The following TTLL5 variants were observed in gnomAD, a reference collection of about 807,000 sequenced individuals.
TTLL5 encodes tubulin polyglutamylase TTLL5.
A neutral mutation model predicts 168.4 loss-of-function variants in TTLL5; 132 were observed. The ratio of observed to expected loss-of-function variants is 0.78; its 90% confidence interval spans 0.68 to 0.91. The LOEUF is 0.91. TTLL5 is among the 40% of genes least tolerant of loss of function. TTLL5 has a pLI of 0.00. For missense variants in TTLL5, 1,545 were observed against 1,581.5 expected (o/e 0.98, Z 0.39); for synonymous variants, 546 against 558.6 (o/e 0.98, Z 0.32).
intron 31 of TTLL5, among the ~76,000 whole-genome samples, chr14:75,934,447 A>G (rs1009544839): frequency 1.3e-5 from 2 of 152,238 alleles, no homozygotes; most frequent in Non-Finnish European, 2.9e-5. Flanking sequence ...CTATACTCTC[A>G]TTCTGTGAAC....
rs545545780 is a variant in TTLL5 at position 75,925,343 on chromosome 14, G to A, written c.3823+23119G>A. ...GGTCTCCTCACTTCTCAGATGGGGC[G>A]GCCTGGCAGAGACGCTCCTCACCTC... is the stretch of plus-strand genomic sequence containing the variant. On this transcript the variant is annotated intron_variant, in intron 31 of 31. Coordinates refer to ENST00000298832, the MANE Select transcript of TTLL5 (RefSeq NM_015072.5). 9.3e-4 allele frequency among the ~76,000 whole-genome samples: 141 copies of A among 151,090 alleles called. 4 individuals are homozygous for A. Among genetic ancestry groups the A allele is most frequent in the African/African-American group, 3.2e-3 (132 of 40,844 alleles).
chr14:75,920,836 TAAC>T (rs2033801822), intron 31 of TTLL5, among the ~76,000 whole-genome samples: 1 of 152,158 alleles, frequency 6.6e-6, no homozygotes, highest in African/African-American at 2.4e-5. Context: ...TTTACACTCC[TAAC>T]AACAGTGTAA....
chr14:75,832,104 C>A (rs967532470), intron 28 of TTLL5, among the ~76,000 whole-genome samples: 1 of 152,068 alleles, frequency 6.6e-6, no homozygotes, highest in Non-Finnish European at 1.5e-5. Flanking sequence ...GACACACACC[C>A]CCACCCCCAC....
chr14:75,852,157 G>A (rs182329920), intron 28 of TTLL5, among the ~76,000 whole-genome samples: 1 of 152,246 alleles, frequency 6.6e-6, no homozygotes, highest in African/African-American at 2.4e-5. Context: ...GCAGGCTTGC[G>A]CTCGATCTCA....
At chr14:75,667,079 T>TA (rs912815839) in intron 2 of TTLL5, among the ~76,000 whole-genome samples, 10 of 152,132 alleles carry the variant, frequency 6.6e-5, no homozygotes, top group African/African-American at 2.2e-4. Context: ...TTTTTTTTTT[T>TA]AGCTGACCTT....
intron 31 of TTLL5, among the ~76,000 whole-genome samples, chr14:75,927,786 T>C (rs1260920345): frequency 3.3e-5 from 5 of 152,210 alleles, no homozygotes; most frequent in Non-Finnish European, 7.4e-5. Flanking sequence ...AGTATTTCTG[T>C]TGCTTTCGTC....
At chr14:75,790,685 G>A (rs906073421) in intron 26 of TTLL5, among the ~76,000 whole-genome samples, 6 of 151,718 alleles carry the variant, frequency 4.0e-5, no homozygotes, top group South Asian at 2.1e-4. Flanking sequence ...ATCTGGTCTC[G>A]AACTTCTGTG....
chr14:75,885,637 A>C (rs1271591825), intron 30 of TTLL5, among the ~76,000 whole-genome samples: 1 of 152,204 alleles, frequency 6.6e-6, no homozygotes, highest in Non-Finnish European at 1.5e-5. Context: ...TGATGAAGTA[A>C]TTTTTTTAAT....
chr14:75,668,548 C>G (rs1001025732), intron 2 of TTLL5, among the ~76,000 whole-genome samples: 7 of 152,198 alleles, frequency 4.6e-5, no homozygotes, highest in African/African-American at 1.4e-4. Flanking sequence ...AAATATTCAT[C>G]AGCCTAAAAT....
chr14:75,679,781 A>G (rs973835291), intron 3 of TTLL5, among the ~76,000 whole-genome samples: 2 of 152,204 alleles, frequency 1.3e-5, no homozygotes, highest in South Asian at 2.1e-4. Flanking sequence ...AGTGTTTCTT[A>G]TGATGATACT....
At chr14:75,949,930 G>T (rs1173720088) in intron 31 of TTLL5, among the ~76,000 whole-genome samples, 3 of 152,032 alleles carry the variant, frequency 2.0e-5, no homozygotes, top group East Asian at 1.9e-4. Flanking sequence ...ATTTGAGAGG[G>T]TATTAGTTGT....
At chr14:75,858,636 CAG>C (rs1204414735) in intron 28 of TTLL5, among the ~76,000 whole-genome samples, 1 of 152,136 alleles carries the variant, frequency 6.6e-6, no homozygotes. Flanking sequence ...ATACAACTGA[CAG>C]TATTTGTTGT....
intron 30 of TTLL5, among the ~76,000 whole-genome samples, chr14:75,889,635 C>T (rs560215275): frequency 3.5e-4 from 53 of 152,034 alleles, no homozygotes; most frequent in African/African-American, 1.2e-3. Context: ...CTAGACCAAC[C>T]GGGCCAACAT....
chr14:75,883,077 G>A (rs573809420), intron 30 of TTLL5, among the ~76,000 whole-genome samples, 175 bp downstream of exon 30: 3 of 152,226 alleles, frequency 2.0e-5, no homozygotes, highest in East Asian at 1.9e-4. Context: ...AATCACCCAG[G>A]GAACTACTGA....
intron 27 of TTLL5, among the ~76,000 whole-genome samples, chr14:75,815,545 G>A (rs1415642944): frequency 1.3e-5 from 2 of 152,180 alleles, no homozygotes; most frequent in Admixed American, 1.3e-4. Flanking sequence ...ACTGGCCGAG[G>A]ATGTTTTTCT....
chr14:75,835,036 C>G (rs1391924687), intron 28 of TTLL5, among the ~76,000 whole-genome samples: 3 of 152,154 alleles, frequency 2.0e-5, no homozygotes. Flanking sequence ...TCACTTAACT[C>G]CAACCTGGGC....
At chr14:75,692,968 A>AG (rs1885568256) in intron 6 of TTLL5, among the ~76,000 whole-genome samples, 1 of 152,074 alleles carries the variant, frequency 6.6e-6, no homozygotes, top group African/African-American at 2.4e-5. Flanking sequence ...ACTAAGGGAG[A>AG]GAAAAAAAGC....
chr14:75,682,771 A>AT (rs1204237467), intron 4 of TTLL5, among the ~76,000 whole-genome samples: 1 of 146,514 alleles, frequency 6.8e-6, no homozygotes, highest in Non-Finnish European at 1.5e-5. Context: ...TTTTTTTTTA[A>AT]TTTTTTATTT....
intron 31 of TTLL5, among the ~76,000 whole-genome samples, chr14:75,918,795 T>A: frequency 6.6e-6 from 1 of 152,346 alleles, no homozygotes; most frequent in Non-Finnish European, 1.5e-5. Context: ...GTTATAACTT[T>A]AATTTTATTA....
Sources: allele counts gnomAD v4.1 joint callset (sites outside exome capture counted in the v4.1 genomes callset), GRCh38; gene constraint gnomAD v4.1.1; transcripts MANE v1.5; gene names NCBI Gene and HGNC (gene_info 2026-07-23, HGNC 2026-07-21).